The following RGS3 variants were observed in gnomAD, a reference collection of about 807,000 sequenced individuals.
The protein encoded by RGS3 is regulator of G-protein signalling 3.
Under a neutral mutation model 132.6 loss-of-function variants are expected in RGS3, and 80 were observed. The ratio of observed to expected loss-of-function variants is 0.60; its 90% CI spans 0.50 to 0.73. The LOEUF is 0.73. Among genes scored for constraint, RGS3 ranks in the 30% least tolerant of loss-of-function variants. RGS3 has a pLI of 0.00. For synonymous variants in RGS3, 598 were observed against 620.6 expected (o/e 0.96, Z 0.54); for missense variants, 1,382 against 1,530.8 (o/e 0.90, Z 1.62).
intron 7 of RGS3, among the ~76,000 whole-genome samples, chr9:113,490,064 A>G (rs145843074): frequency 1.6e-3 from 241 of 152,312 alleles, no homozygotes; most frequent in African/African-American, 5.5e-3. Context: ...GCCTCAGCAC[A>G]GTAGATTTTG....
chr9:113,587,318 C>A (rs1296230468), intron 20 of RGS3, among the ~76,000 whole-genome samples: 1 of 152,130 alleles, frequency 6.6e-6, no homozygotes, highest in Admixed American at 6.5e-5. Context: ...CTGGGAGGGT[C>A]CCCTGATGCT....
Position 113,591,774 on chromosome 9 carries a change from A to T in RGS3, c.3080+377A>T, listed in dbSNP as rs746504104. The T allele has an allele frequency of 9.8e-6, 2 of 203,974 alleles. No individual in the cohort carries two copies. The highest frequency in any genetic ancestry group is 1.1e-4 in the East Asian group (1 of 9,306). The allele number at this position is 203,974 out of a possible 1,614,324, so 12.6% of individuals were successfully genotyped here. ...CTGAGAAGGGGTGGAACTGACAGTC[A>T]TTGGCTCCTCTTTCTCTTCCTGAGC... On this transcript the variant is annotated intron_variant, in intron 21 of 24. Transcript: ENST00000350696. This position sits in a 1 kb window ranked among gnomAD's most constrained non-coding sequence, Gnocchi z 4.4.
At chr9:113,541,409 A>T (rs765306008) in intron 19 of RGS3, 1 of 1,613,806 alleles carries the variant, frequency 6.2e-7, no homozygotes, top group South Asian at 1.1e-5. Flanking sequence ...CCTCACCAGG[A>T]CAGACTCTGA....
intron 14 of RGS3, among the ~76,000 whole-genome samples, chr9:113,512,395 T>C (rs1362897891): frequency 6.6e-6 from 1 of 152,138 alleles, no homozygotes; most frequent in Non-Finnish European, 1.5e-5. Flanking sequence ...TACTCCTCTC[T>C]CCGTGACTCA....
rs1833937386 is a variant in RGS3 at position 113,565,155 on chromosome 9, A to T, written c.2038-18295A>T. 9 of 1,198,960 alleles carry T rather than the reference A, an allele frequency of 7.5e-6. No individual in the cohort carries two copies. Among genetic ancestry groups the T allele is most frequent in the Non-Finnish European group, 8.5e-6 (8 of 945,400 alleles). The allele number at this position is 1,198,960 out of a possible 1,614,324, so 74.3% of individuals were successfully genotyped here. A position where few individuals can be genotyped will look rare whatever the true frequency, so the allele number is the denominator to read the frequency against. ...TGGGGATGAGCCACAGGGGACCCAC[A>T]GCCTATGCGTGTGAGCATGTAACCC... On this transcript the variant is annotated intron_variant, in intron 19 of 24. Transcript: ENST00000350696. This position sits in a 1 kb window ranked among gnomAD's most constrained non-coding sequence, Gnocchi z 5.7.
exon 20 of RGS3, chr9:113,583,745 C>T (rs1388948191): frequency 2.5e-6 from 4 of 1,613,980 alleles, no homozygotes; most frequent in Non-Finnish European, 3.4e-6. Context: ...GACCTCTCAC[C>T]CTGCCAGGAC....
rs1829542640 is a variant in RGS3, at chr9:113,463,872, A to G, written c.415+1671A>G. ...CCACCCGGACTTGTCCTTCTACCTC[A>G]CCACCTTTGGTAAGTGCCCGCTGGG... On this transcript the variant is annotated intron_variant, in intron 3 of 24. Coordinates refer to ENST00000350696, the Ensembl canonical transcript of RGS3. The surrounding 1 kb of genome is among the most constrained non-coding windows in gnomAD (Gnocchi z 4.6). 4 of 1,612,614 alleles carry G rather than the reference A, an allele frequency of 2.5e-6. No homozygotes were observed. Among genetic ancestry groups the G allele is most frequent in the Non-Finnish European group, 3.4e-6 (4 of 1,179,588 alleles).
intron 23 of RGS3, 43 bp downstream of exon 21, chr9:113,595,023 T>C: frequency 6.3e-7 from 1 of 1,585,054 alleles, no homozygotes. Flanking sequence ...CCTCTCTCCC[T>C]CTCCCCTTCG....
Position 113,485,700 on chromosome 9 carries a change from A to G in RGS3, c.689+7A>G, listed in dbSNP as rs1283222438. 1 of 1,579,648 alleles carries G rather than the reference A, an allele frequency of 6.3e-7. No individual in the cohort carries two copies. The highest frequency in any genetic ancestry group is 1.3e-5 in the African/African-American group (1 of 74,586). ...ACAGGGCCAGCCAGTCCAGGTGAGG[A>G]GAGCTGCTGAGCTGGAGGGGGACTC... On this transcript the variant is annotated splice_region_variant and intron_variant, in intron 7 of 24. Coordinates refer to ENST00000350696, the Ensembl canonical transcript of RGS3.
chr9:113,527,225 C>T (rs1179365420), intron 17 of RGS3, among the ~76,000 whole-genome samples: 2 of 152,240 alleles, frequency 1.3e-5, no homozygotes, highest in Non-Finnish European at 1.5e-5. Context: ...AGTGTTCCCC[C>T]AACCTCAGCC....
At chr9:113,471,012 A>G (rs765465092) in intron 3 of RGS3, among the ~76,000 whole-genome samples, 9 of 152,078 alleles carry the variant, frequency 5.9e-5, no homozygotes, top group Non-Finnish European at 1.3e-4. Context: ...AGTTGTTGTT[A>G]TTATTATTAT....
chr9:113,484,209 G>T (rs1034344112), exon 6 of RGS3: 5 of 1,610,584 alleles, frequency 3.1e-6, no homozygotes, highest in Non-Finnish European at 4.2e-6. Context: ...GCAGAGACCC[G>T]GCTTTCCACG....
chr9:113,544,945 TAAATA>T (rs1373693866), intron 19 of RGS3, among the ~76,000 whole-genome samples: 1 of 152,158 alleles, frequency 6.6e-6, no homozygotes, highest in Non-Finnish European at 1.5e-5. Context: ...GCTTTTAGGA[TAAATA>T]AAATGAGATG....
intron 7 of RGS3, among the ~76,000 whole-genome samples, chr9:113,491,780 C>G (rs1830530766): frequency 1.3e-5 from 2 of 152,222 alleles, no homozygotes; most frequent in African/African-American, 4.8e-5. Context: ...TCTCAAACTC[C>G]TGACCTCAAG....
chr9:113,481,593 T>G (rs1830159736), intron 4 of RGS3, among the ~76,000 whole-genome samples: 1 of 152,216 alleles, frequency 6.6e-6, no homozygotes, highest in Non-Finnish European at 1.5e-5. Flanking sequence ...CATCTTGGCC[T>G]CCACCACTCC....
intron 8 of RGS3, among the ~76,000 whole-genome samples, chr9:113,497,032 G>C (rs1830707979): frequency 6.6e-6 from 1 of 152,178 alleles, no homozygotes; most frequent in Non-Finnish European, 1.5e-5. Context: ...GCACATCAAA[G>C]AGCCTGTGCA....
intron 1 of RGS3, among the ~76,000 whole-genome samples, chr9:113,461,294 T>C (rs1829465795): frequency 6.6e-6 from 1 of 152,156 alleles, no homozygotes; most frequent in African/African-American, 2.4e-5. Context: ...AAAGCCAGGC[T>C]TGGTCCAACT....
intron 19 of RGS3, among the ~76,000 whole-genome samples, chr9:113,563,426 C>T (rs561284675): frequency 4.6e-5 from 7 of 152,288 alleles, no homozygotes; most frequent in African/African-American, 7.2e-5. Flanking sequence ...GCACCTCTGA[C>T]GTGAAGGAAT....
Position 113,463,581 on chromosome 9 carries a change from G to A in RGS3, c.415+1380G>A. ...TCGCTGCTCAGCGCGGGTCGGCGGC[G>A]CCGCCTCCCCCACCCCGGCCCAGCT... On this transcript the variant is annotated intron_variant, in intron 3 of 24. Transcript: ENST00000350696. This position sits in a 1 kb window ranked among gnomAD's most constrained non-coding sequence, Gnocchi z 4.6. The A allele has an allele frequency of 4.7e-6, 4 of 845,060 alleles. No homozygotes were observed. Among genetic ancestry groups the A allele is most frequent in the East Asian group, 3.8e-5 (1 of 26,020 alleles). 52.3% of individuals were successfully genotyped at this position (845,060 alleles called of 1,614,324 possible).
Sources: allele counts gnomAD v4.1 joint callset (sites outside exome capture counted in the v4.1 genomes callset), GRCh38; gene constraint gnomAD v4.1.1; non-coding constraint Gnocchi (gnomAD v3.1); transcripts MANE v1.5; gene names NCBI Gene and HGNC (gene_info 2026-07-23, HGNC 2026-07-21).